The following ARHGEF11 variants were observed in gnomAD, a reference collection of about 807,000 sequenced individuals.
The protein encoded by ARHGEF11 is Rho guanine exchange factor (GEF) 11.
In ARHGEF11, 55 loss-of-function variants were observed where a neutral mutation model predicts 193.7. That is an observed-to-expected ratio of 0.28 (90% confidence interval 0.23 to 0.36). ARHGEF11 has a LOEUF of 0.36. Among genes scored for constraint, ARHGEF11 ranks in the 10% least tolerant of loss-of-function variants. ARHGEF11 has a pLI of 1.00. For missense variants in ARHGEF11, 1,723 were observed against 2,005.6 expected (o/e 0.86, Z 2.69); for synonymous variants, 693 against 768.0 (o/e 0.90, Z 1.62).
intron 5 of ARHGEF11, among the ~76,000 whole-genome samples, chr1:156,979,005 G>A (rs558384927): frequency 6.6e-6 from 1 of 152,360 alleles, no homozygotes; most frequent in Non-Finnish European, 1.5e-5. Flanking sequence ...GGGTAAAAAT[G>A]AAGATGTCTC....
intron 30 of ARHGEF11, 58 bp from the exon 31 acceptor site, chr1:156,944,491 A>C (rs1657752276): frequency 1.9e-6 from 3 of 1,551,684 alleles, no homozygotes; most frequent in Non-Finnish European, 1.8e-6. Flanking sequence ...CAAGTGTTTG[A>C]GAGCCTACTG....
intron 3 of ARHGEF11, among the ~76,000 whole-genome samples, chr1:156,982,209 T>TA (rs1164354313): frequency 6.6e-6 from 1 of 152,016 alleles, no homozygotes; most frequent in East Asian, 1.9e-4. Context: ...TTTTTTAAAC[T>TA]AAACTCTTCA....
At chr1:156,998,531 C>T (rs1007589596) in intron 1 of ARHGEF11, among the ~76,000 whole-genome samples, 1 of 152,170 alleles carries the variant, frequency 6.6e-6, no homozygotes, top group Non-Finnish European at 1.5e-5. Context: ...TACTAGCCAC[C>T]TATCCTATCA....
At chr1:157,011,803 G>A (rs1343150315) in intron 1 of ARHGEF11, among the ~76,000 whole-genome samples, 2 of 152,180 alleles carry the variant, frequency 1.3e-5, no homozygotes, top group Non-Finnish European at 2.9e-5. Context: ...CTACTAGGAT[G>A]ACTAGAACAA....
chr1:156,995,198 A>C (rs982963299), intron 1 of ARHGEF11, among the ~76,000 whole-genome samples: 10 of 152,204 alleles, frequency 6.6e-5, no homozygotes, highest in Admixed American at 2.6e-4. Context: ...TCTTACACAC[A>C]GAGTGATCTT....
intron 1 of ARHGEF11, among the ~76,000 whole-genome samples, chr1:156,990,758 T>C (rs1405361993): frequency 6.6e-6 from 1 of 152,212 alleles, no homozygotes; most frequent in Non-Finnish European, 1.5e-5. Context: ...AGCCAGCTCC[T>C]GTGTCCTTTT....
chr1:156,968,031 T>C lies in ARHGEF11; in HGVS notation c.919A>G (p.Arg307Gly). 6.2e-7 allele frequency: 1 copy of C among 1,614,218 alleles called. No homozygotes were observed. The highest frequency in any genetic ancestry group is 8.5e-7 in the Non-Finnish European group (1 of 1,180,022). Residue 307 changes from arginine to glycine, a missense_variant, in exon 11 of 41, where the codon AGG (arginine) becomes GGG (glycine). By Grantham distance (125) the Arg-to-Gly change is moderately radical. Around this residue, in one of 5 missense-constraint regions of ARHGEF11, gnomAD observed 646 missense variants for 710.7 expected, o/e 0.91. Coordinates refer to ENST00000368194, the MANE Select transcript of ARHGEF11 (RefSeq NM_198236.3). Reference sequence around the variant, plus strand: ...ACTGCTGCATCCGAGCCCTGCCGCCTGTGGTGCTGGGCCACCCTGGCCATG... The same window carrying C: ...ACTGCTGCATCCGAGCCCTGCCGCCCGTGGTGCTGGGCCACCCTGGCCATG... ...VIMARVAQHH[R>G]RQGSDAAVPS...
At chr1:157,012,610 G>A (rs1668673538) in intron 1 of ARHGEF11, among the ~76,000 whole-genome samples, 1 of 152,184 alleles carries the variant, frequency 6.6e-6, no homozygotes, top group Non-Finnish European at 1.5e-5. Context: ...ATTCTCAGAA[G>A]ACACTACTTT....
At chr1:157,046,718 T>G, upstream of ARHGEF11, among the ~76,000 whole-genome samples, 1 of 152,210 alleles carries the variant, frequency 6.6e-6, no homozygotes, top group East Asian at 1.9e-4. Flanking sequence ...TTTCTAAATC[T>G]TTACAAGTAA....
intron 1 of ARHGEF11, among the ~76,000 whole-genome samples, chr1:157,014,615 T>C (rs1042106811): frequency 1.3e-5 from 2 of 152,178 alleles, no homozygotes; most frequent in African/African-American, 2.4e-5. Context: ...TCCAGACTCC[T>C]GGGAAGAGTC....
chr1:156,985,801 C>T (rs1489263555), intron 2 of ARHGEF11: 1 of 213,508 alleles, frequency 4.7e-6, no homozygotes, highest in East Asian at 1.1e-4. Flanking sequence ...AGTGGTTATT[C>T]ATAGGTGTGA....
At chr1:156,999,909 T>C (rs764315265) in intron 1 of ARHGEF11, among the ~76,000 whole-genome samples, 1 of 152,252 alleles carries the variant, frequency 6.6e-6, no homozygotes, top group East Asian at 1.9e-4. Flanking sequence ...TTGTACTTTT[T>C]GCAGGGCACT....
At position 157,045,641 on chromosome 1, in the gene ARHGEF11, G is replaced by A. The variant is rs1056578120; in HGVS notation, c.-1311C>T. On this transcript the variant is annotated 5_prime_UTR_variant, in exon 1 of 41. Transcript: ENST00000368194. ...TCCCGGCGCCGCTCGCCCCGCGCCC[G>A]ACCGCCGTGTTCCGGCCTTCGCGGC... is the stretch of plus-strand genomic sequence containing the variant. Among the ~76,000 whole-genome samples, 2 of 150,188 alleles carry A rather than the reference G, an allele frequency of 1.3e-5. No homozygotes were observed. Among genetic ancestry groups the A allele is most frequent in the Non-Finnish European group, 3.0e-5 (2 of 67,500 alleles).
chr1:157,009,209 T>G (rs559535228), intron 1 of ARHGEF11, among the ~76,000 whole-genome samples: 1 of 152,342 alleles, frequency 6.6e-6, no homozygotes, highest in South Asian at 2.1e-4. Context: ...TTCACCTCTA[T>G]GAAAAGTCTG....
At chr1:156,964,084 T>C (rs143736935) in intron 11 of ARHGEF11, among the ~76,000 whole-genome samples, 114 of 152,344 alleles carry the variant, frequency 7.5e-4, no homozygotes, top group African/African-American at 2.6e-3. Flanking sequence ...TCGGAGAGCC[T>C]ACTAGTAGAT....
chr1:156,939,378 A>G (rs946912247), intron 37 of ARHGEF11, 170 bp downstream of exon 37: 4 of 891,260 alleles, frequency 4.5e-6, no homozygotes, highest in Non-Finnish European at 6.8e-6. Context: ...CGAATGTCCA[A>G]CTCCAAAGCC....
chr1:156,936,491 A>ATATATATAT (rs1553192701), intron 40 of ARHGEF11, among the ~76,000 whole-genome samples: 5 of 71,396 alleles, frequency 7.0e-5, no homozygotes, highest in African/African-American at 2.4e-4. Flanking sequence ...AAAAAAAAAA[A>ATATATATAT]AAAAAAATAT....
chr1:157,026,342 C>T (rs528082035), intron 1 of ARHGEF11, among the ~76,000 whole-genome samples: 144 of 152,314 alleles, frequency 9.5e-4, no homozygotes, highest in African/African-American at 3.2e-3. Context: ...CTAGAACACA[C>T]ACACAATTTC....
chr1:157,039,647 A>G (rs1352526904), intron 1 of ARHGEF11, among the ~76,000 whole-genome samples: 1 of 152,200 alleles, frequency 6.6e-6, no homozygotes, highest in East Asian at 1.9e-4. Flanking sequence ...AAGGAACACC[A>G]CAATCCACAG....
Sources: gnomAD v4.1 joint callset for allele counts (sites outside exome capture counted in the v4.1 genomes callset) on GRCh38, gnomAD v4.1.1 for gene constraint, gnomAD v4.1.1 regional missense constraint, MANE v1.5 for transcripts, NCBI Gene and HGNC (gene_info 2026-07-23, HGNC 2026-07-21) for gene names.